The following IMMP2L variants were observed in gnomAD, a reference collection of about 807,000 sequenced individuals.
IMMP2L encodes the protein inner mitochondrial membrane peptidase subunit 2.
IMMP2L carries 18 observed loss-of-function variants against 19.3 expected under a neutral mutation model. The observed-to-expected ratio is 0.93, with a 90% CI of 0.64 to 1.38. The LOEUF is 1.38. Among genes scored for constraint, IMMP2L ranks in the 40% most tolerant of loss-of-function variants. IMMP2L has a pLI of 0.00. For synonymous variants in IMMP2L, 76 were observed against 73.0 expected (o/e 1.04, Z -0.21); for missense variants, 233 against 218.2 (o/e 1.07, Z -0.43).
chr7:111,408,446 G>A (rs1834084988), intron 3 of IMMP2L, among the ~76,000 whole-genome samples: 1 of 151,550 alleles, frequency 6.6e-6, no homozygotes, highest in Admixed American at 6.6e-5. Flanking sequence ...ACTTTATTCT[G>A]CAACAGTCAC....
chr7:110,962,282 A>G (rs982439170), intron 4 of IMMP2L: 3 of 152,020 alleles, frequency 2.0e-5, no homozygotes, highest in Admixed American at 1.3e-4. Context: ...ACCAGTAATT[A>G]TCACATTAGA....
At chr7:111,476,426 T>C (rs1220915411) in intron 3 of IMMP2L, among the ~76,000 whole-genome samples, 1 of 152,208 alleles carries the variant, frequency 6.6e-6, no homozygotes, top group Non-Finnish European at 1.5e-5. Context: ...GTATTTTTTA[T>C]TGCTTAAGAT....
intron 3 of IMMP2L, among the ~76,000 whole-genome samples, chr7:110,980,534 T>C (rs746093882): frequency 6.6e-6 from 1 of 152,168 alleles, no homozygotes; most frequent in Non-Finnish European, 1.5e-5. Flanking sequence ...CTTCATCTTA[T>C]CACCTTTCTA....
intron 3 of IMMP2L, among the ~76,000 whole-genome samples, chr7:110,995,050 G>A (rs1214487390): frequency 6.6e-6 from 1 of 152,094 alleles, no homozygotes; most frequent in Non-Finnish European, 1.5e-5. Context: ...CTCCATTTCT[G>A]TTAGACAGAA....
chr7:111,538,900 C>T (rs1187558422), intron 1 of IMMP2L, among the ~76,000 whole-genome samples: 1 of 149,432 alleles, frequency 6.7e-6, no homozygotes, highest in East Asian at 2.0e-4. Flanking sequence ...GTGGGCAGAT[C>T]ACAAGGTCAG....
intron 3 of IMMP2L, among the ~76,000 whole-genome samples, chr7:111,132,034 A>T: frequency 6.6e-6 from 1 of 151,900 alleles, no homozygotes; most frequent in African/African-American, 2.4e-5. Flanking sequence ...ATTATCTTCT[A>T]ACTCTCCCCA....
intron 3 of IMMP2L, among the ~76,000 whole-genome samples, chr7:111,076,439 G>A (rs1214274219): frequency 2.0e-5 from 3 of 152,066 alleles, no homozygotes; most frequent in Non-Finnish European, 4.4e-5. Flanking sequence ...GGGATTTTTT[G>A]TTTTTTGGCC....
Position 111,403,182 on chromosome 7 carries a change from G to A in IMMP2L, c.239+84056C>T, listed in dbSNP as rs189719719. 6.0e-4 allele frequency among the ~76,000 whole-genome samples: 91 copies of A among 151,932 alleles called. 2 individuals are homozygous for A. Among genetic ancestry groups the A allele is most frequent in the African/African-American group, 2.0e-3 (84 of 41,412 alleles). ...GTGGGAGGTGACTGTATCACAGGGC[G>A]GTTTCCCCATGCTATTCTCGTGATA... On this transcript the variant is annotated intron_variant, in intron 3 of 5. Transcript: ENST00000405709.
chr7:111,286,762 T>C (rs1820528892), intron 3 of IMMP2L, among the ~76,000 whole-genome samples: 1 of 152,120 alleles, frequency 6.6e-6, no homozygotes, highest in South Asian at 2.1e-4. Flanking sequence ...ACCCCACTCC[T>C]AAGCAAAGGA....
At chr7:111,545,481 C>G (rs531740942) in intron 1 of IMMP2L, among the ~76,000 whole-genome samples, 18 of 152,244 alleles carry the variant, frequency 1.2e-4, no homozygotes, top group African/African-American at 4.3e-4. Flanking sequence ...ACCTCTGCCT[C>G]CCAGGTTCAA....
intron 5 of IMMP2L, among the ~76,000 whole-genome samples, chr7:110,840,665 A>C (rs1291281981): frequency 6.6e-6 from 1 of 152,146 alleles, no homozygotes; most frequent in Non-Finnish European, 1.5e-5. Context: ...ACATTTTAAC[A>C]AGATTTTAGA....
intron 3 of IMMP2L, among the ~76,000 whole-genome samples, chr7:111,431,806 C>T (rs912570315): frequency 6.6e-6 from 1 of 151,616 alleles, no homozygotes; most frequent in African/African-American, 2.4e-5. Flanking sequence ...GTTGTTGTTG[C>T]TGTTGTTGTT....
chr7:111,029,901 G>A (rs1827223847), intron 3 of IMMP2L, among the ~76,000 whole-genome samples: 1 of 152,108 alleles, frequency 6.6e-6, no homozygotes, highest in Non-Finnish European at 1.5e-5. Flanking sequence ...GTGGCTTCTG[G>A]CAGGATTCCA....
At chr7:110,880,476 G>A (rs552797397) in intron 5 of IMMP2L, among the ~76,000 whole-genome samples, 2 of 152,078 alleles carry the variant, frequency 1.3e-5, no homozygotes, top group Admixed American at 1.3e-4. Context: ...TAAAAGAAGT[G>A]GAGAGTAAAT....
At chr7:111,159,011 A>T (rs1488211602) in intron 3 of IMMP2L, among the ~76,000 whole-genome samples, 1 of 152,194 alleles carries the variant, frequency 6.6e-6, no homozygotes, top group East Asian at 1.9e-4. Context: ...TACCTTTAGA[A>T]GTTCTAAACT....
At chr7:111,126,207 A>C (rs1045515832) in intron 3 of IMMP2L, among the ~76,000 whole-genome samples, 6 of 152,154 alleles carry the variant, frequency 3.9e-5, no homozygotes, top group Non-Finnish European at 7.4e-5. Flanking sequence ...TCTCTGATTC[A>C]AAACAGTTAA....
intron 2 of IMMP2L, among the ~76,000 whole-genome samples, chr7:111,517,210 G>T (rs887202036): frequency 6.6e-6 from 1 of 151,964 alleles, no homozygotes; most frequent in Non-Finnish European, 1.5e-5. Flanking sequence ...GTAGCTGAAA[G>T]TCAAGACAAT....
intron 3 of IMMP2L, among the ~76,000 whole-genome samples, chr7:111,442,993 T>A (rs1837901673): frequency 6.6e-6 from 1 of 151,900 alleles, no homozygotes; most frequent in Non-Finnish European, 1.5e-5. Context: ...CCATCTAGAA[T>A]CTCTCAGTTT....
chr7:111,208,044 T>C (rs540241053), intron 3 of IMMP2L, among the ~76,000 whole-genome samples: 2 of 152,224 alleles, frequency 1.3e-5, no homozygotes, highest in South Asian at 4.1e-4. Flanking sequence ...AACAAACTAT[T>C]ATTAGCTTCC....
Sources: gnomAD v4.1 joint callset for allele counts (sites outside exome capture counted in the v4.1 genomes callset) on GRCh38, gnomAD v4.1.1 for gene constraint, MANE v1.5 for transcripts, NCBI Gene and HGNC (gene_info 2026-07-23, HGNC 2026-07-21) for gene names.